Variants in RGS8 observed in about 807,000 individuals in gnomAD.
RGS8 encodes regulator of G protein signaling 8.
A neutral mutation model predicts 21.7 loss-of-function variants in RGS8; 8 were observed. The ratio of observed to expected loss-of-function variants is 0.37; its 90% CI spans 0.22 to 0.66. The LOEUF is 0.66. Among genes scored for constraint, RGS8 ranks in the 30% least tolerant of loss-of-function variants. The probability of loss-of-function intolerance (pLI) is 0.59; values close to 1 mark genes in which losing one functional copy is unlikely to be tolerated. For missense variants in RGS8, 157 were observed against 217.9 expected (o/e 0.72, Z 1.76); for synonymous variants, 80 against 83.6 (o/e 0.96, Z 0.24).
the RGS8 span, chr1:182,734,844 G>A: frequency 2.0e-5 from 3 of 152,130 alleles, no homozygotes; most frequent in Non-Finnish European, 4.4e-5. Context: ...TTTCTAAGGC[G>A]ATGCTGATCA....
chr1:182,642,543 G>C (rs1284676352), downstream of RGS8: 1 of 152,458 alleles, frequency 6.6e-6, no homozygotes, highest in Non-Finnish European at 1.5e-5. Flanking sequence ...TCTCCCACCT[G>C]CTCCTTCTTC....
At chr1:182,642,845 C>A (rs1279253846), downstream of RGS8, 1 of 152,138 alleles carries the variant, frequency 6.6e-6, no homozygotes, top group Non-Finnish European at 1.5e-5. Flanking sequence ...ATCTTGATAC[C>A]CCCAGGACGT....
chr1:182,744,467 A>G, the RGS8 span, among the ~76,000 whole-genome samples: 1 of 152,220 alleles, frequency 6.6e-6, no homozygotes, highest in African/African-American at 2.4e-5. Context: ...GTGCCACATA[A>G]TAAAGTTTCA....
upstream of RGS8, among the ~76,000 whole-genome samples, chr1:182,688,342 CTT>C (rs1295915900): frequency 2.6e-5 from 4 of 151,510 alleles, no homozygotes; most frequent in East Asian, 7.8e-4. Flanking sequence ...CACACACACA[CTT>C]TCTCTCTCGC....
At chr1:182,688,755 G>A (rs572684847), upstream of RGS8, among the ~76,000 whole-genome samples, 1 of 152,298 alleles carries the variant, frequency 6.6e-6, no homozygotes, top group Admixed American at 6.5e-5. Flanking sequence ...AGAAGGCCAG[G>A]AGCCCAGGAA....
At chr1:182,646,023 A>T (rs1662688231), downstream of RGS8, 1 of 152,228 alleles carries the variant, frequency 6.6e-6, no homozygotes, top group Non-Finnish European at 1.5e-5. Flanking sequence ...TCTTAATGGC[A>T]GTTCCACTTC....
At chr1:182,704,571 C>T in the RGS8 span, among the ~76,000 whole-genome samples, 1 of 152,224 alleles carries the variant, frequency 6.6e-6, no homozygotes, top group African/African-American at 2.4e-5. Flanking sequence ...AGGTGTGGCT[C>T]CACAGTACTA....
the RGS8 span, among the ~76,000 whole-genome samples, chr1:182,741,440 G>A: frequency 1.4e-5 from 2 of 141,068 alleles, no homozygotes; most frequent in Admixed American, 6.8e-5. Context: ...CGGACAGGGC[G>A]GCTGGCCGGG....
chr1:182,687,867 C>G (rs1465643048), upstream of RGS8, among the ~76,000 whole-genome samples: 2 of 152,156 alleles, frequency 1.3e-5, no homozygotes, highest in African/African-American at 4.8e-5. Context: ...GAAAGAAACC[C>G]AGGTTTAAGA....
At position 182,651,911 on chromosome 1, in the gene RGS8, A is replaced by AG. The variant is rs371425875; in HGVS notation, c.194-3609dup. Among the ~76,000 whole-genome samples, 8 of 152,268 alleles carry AG rather than the reference A, an allele frequency of 5.3e-5. No individual in the cohort carries two copies. In the East Asian group the frequency reaches 7.7e-4, roughly 15 times the overall value. On this transcript the variant is annotated intron_variant, in intron 5 of 6. Coordinates refer to ENST00000483095, the Ensembl canonical transcript of RGS8. ...AACTAAGTGAAGGGCTGGTTTAGCA[A>AG]GGGGGGGACTCTGAGCAGTGACCAG...
At chr1:182,731,417 C>T in the RGS8 span, among the ~76,000 whole-genome samples, 5 of 152,172 alleles carry the variant, frequency 3.3e-5, no homozygotes, top group Non-Finnish European at 7.3e-5. Flanking sequence ...CTTTTGTCAC[C>T]CATCTATGCC....
rs12061264 is a variant in RGS8 at position 182,668,937 on chromosome 1, T to C, written c.26+687A>G. Reference sequence around the variant, plus strand: ...ACTTTCAGTGAGTTGGTTCATTCCTTGTGCCTCAGGATCATCAATCATAAA... The same window carrying C: ...ACTTTCAGTGAGTTGGTTCATTCCTCGTGCCTCAGGATCATCAATCATAAA... On this transcript the variant is annotated intron_variant, in intron 3 of 6. Coordinates refer to ENST00000483095, the Ensembl canonical transcript of RGS8. 5.9e-3 allele frequency among the ~76,000 whole-genome samples: 905 copies of C among 152,276 alleles called. 6 individuals carry two copies. The highest frequency in any genetic ancestry group is 0.021 in the African/African-American group (876 of 41,544).
downstream of RGS8, chr1:182,642,285 G>C (rs940891672): frequency 4.6e-5 from 7 of 152,226 alleles, no homozygotes; most frequent in African/African-American, 1.4e-4. Flanking sequence ...TCAGTGCCAG[G>C]GAGACTTTGC....
downstream of RGS8, chr1:182,643,333 C>CCCCCCCCCCCCCCCCCCCCG (rs1320966882): frequency 7.9e-6 from 1 of 126,356 alleles, no homozygotes; most frequent in African/African-American, 3.6e-5. Flanking sequence ...GCCCCCCCGC[C>CCCCCCCCCCCCCCCCCCCCG]CCCGCGCTGT....
At chr1:182,742,389 G>T in the RGS8 span, among the ~76,000 whole-genome samples, 1 of 151,856 alleles carries the variant, frequency 6.6e-6, no homozygotes, top group Non-Finnish European at 1.5e-5. Flanking sequence ...AAGGCAGGCG[G>T]CTGGGAGGTG....
the RGS8 span, among the ~76,000 whole-genome samples, chr1:182,708,041 C>A: frequency 6.6e-6 from 1 of 152,098 alleles, no homozygotes; most frequent in African/African-American, 2.4e-5. Context: ...CAAAACTCCA[C>A]GAGATAAGTC....
chr1:182,649,704 T>TAAA (rs150415441), intron 5 of RGS8, among the ~76,000 whole-genome samples: 1 of 152,168 alleles, frequency 6.6e-6, no homozygotes, highest in African/African-American at 2.4e-5. Context: ...TGTTTTTATT[T>TAAA]AAAAATATTT....
the RGS8 span, among the ~76,000 whole-genome samples, chr1:182,732,399 C>T: frequency 3.2e-4 from 48 of 151,942 alleles, no homozygotes; most frequent in Admixed American, 3.3e-4. Flanking sequence ...AACAGTAAGT[C>T]TAAATAAATA....
At chr1:182,713,827 A>C in the RGS8 span, among the ~76,000 whole-genome samples, 1 of 152,198 alleles carries the variant, frequency 6.6e-6, no homozygotes, top group Non-Finnish European at 1.5e-5. Flanking sequence ...ACACCAATTT[A>C]TCTCTCTTTT....
Sources: allele counts gnomAD v4.1 joint callset (sites outside exome capture counted in the v4.1 genomes callset), GRCh38; gene constraint gnomAD v4.1.1; transcripts MANE v1.5; gene names NCBI Gene and HGNC (gene_info 2026-07-23, HGNC 2026-07-21).